Variants in DNAH12 observed in about 807,000 individuals in gnomAD.
DNAH12 encodes dynein axonemal heavy chain 12.
In DNAH12, 285 loss-of-function variants were observed where a neutral mutation model predicts 371.5. The observed-to-expected ratio is 0.77, with a 90% CI of 0.70 to 0.85. DNAH12 has a LOEUF of 0.85. Ranked by LOEUF, DNAH12 falls within the 40% of genes least tolerant of loss-of-function variation. The pLI is 0.00. For missense variants in DNAH12, 3,611 were observed against 3,689.4 expected (o/e 0.98, Z 0.55); for synonymous variants, 1,200 against 1,213.0 (o/e 0.99, Z 0.22).
chr3:57,479,138 T>C (rs970018890), intron 13 of DNAH12, among the ~76,000 whole-genome samples: 2 of 90,306 alleles, frequency 2.2e-5, no homozygotes, highest in Admixed American at 1.1e-4. Context: ...GCAAATTGGA[T>C]AGAGTCAAGA....
intron 37 of DNAH12, among the ~76,000 whole-genome samples, chr3:57,415,819 CACTT>C (rs1294442033): frequency 1.5e-5 from 2 of 137,306 alleles, no homozygotes; most frequent in East Asian, 2.1e-4. Flanking sequence ...GACAGAGTCT[CACTT>C]AGTTCCCCAG....
At chr3:57,501,755 T>C (rs1303839199) in intron 10 of DNAH12, among the ~76,000 whole-genome samples, 8 of 152,162 alleles carry the variant, frequency 5.3e-5, no homozygotes, top group African/African-American at 1.9e-4. Context: ...CCAATAAAAT[T>C]GAGCTACAGG....
chr3:57,437,665 T>G (rs1469543983), intron 29 of DNAH12, among the ~76,000 whole-genome samples: 1 of 152,176 alleles, frequency 6.6e-6, no homozygotes, highest in East Asian at 1.9e-4. Context: ...TGTGTGGGCT[T>G]ATGTGACAGA....
At chr3:57,514,519 T>C (rs535945017) in intron 4 of DNAH12, among the ~76,000 whole-genome samples, 34 of 152,076 alleles carry the variant, frequency 2.2e-4, no homozygotes, top group Non-Finnish European at 4.6e-4. Context: ...ACAGGAAGGA[T>C]AAATCAAAAA....
chr3:57,511,918 C>T, intron 4 of DNAH12, among the ~76,000 whole-genome samples: 1 of 151,804 alleles, frequency 6.6e-6, no homozygotes, highest in Non-Finnish European at 1.5e-5. Flanking sequence ...AGAACAAACT[C>T]CAGGATTTAA....
chr3:57,456,695 TATGAAACA>T (rs1206207759), intron 22 of DNAH12, among the ~76,000 whole-genome samples: 174 of 152,350 alleles, frequency 1.1e-3, no homozygotes, highest in African/African-American at 3.9e-3. Context: ...ATTGTTTGCC[TATGAAACA>T]TATCCACTAG....
chr3:57,429,617 T>C, intron 33 of DNAH12, 74 bp downstream of exon 33: 1 of 1,380,540 alleles, frequency 7.2e-7, no homozygotes. Context: ...TGACATATAA[T>C]AAAAAATACT....
At chr3:57,370,968 G>A (rs1006463275) in intron 55 of DNAH12, among the ~76,000 whole-genome samples, 1 of 152,138 alleles carries the variant, frequency 6.6e-6, no homozygotes, top group African/African-American at 2.4e-5. Flanking sequence ...GAGATAAGAA[G>A]GAAATGTTTT....
chr3:57,337,481 G>A (rs2062254040), intron 60 of DNAH12, among the ~76,000 whole-genome samples: 1 of 152,192 alleles, frequency 6.6e-6, no homozygotes, highest in Non-Finnish European at 1.5e-5. Flanking sequence ...CCAACATGGA[G>A]AAACCCTGTT....
At chr3:57,479,282 T>TTG (rs2066650898) in intron 13 of DNAH12, among the ~76,000 whole-genome samples, 2 of 151,952 alleles carry the variant, frequency 1.3e-5, no homozygotes, top group African/African-American at 4.8e-5. Context: ...TAGTCTCTGA[T>TTG]AAAACAGACT....
intron 13 of DNAH12, among the ~76,000 whole-genome samples, chr3:57,481,401 C>A (rs2153383353): frequency 6.6e-6 from 1 of 152,246 alleles, no homozygotes; most frequent in East Asian, 1.9e-4. Flanking sequence ...CTACAAACCA[C>A]TGCTCAACAA....
intron 13 of DNAH12, among the ~76,000 whole-genome samples, chr3:57,480,152 A>G (rs1172433389): frequency 4.0e-5 from 6 of 151,636 alleles, no homozygotes; most frequent in Non-Finnish European, 4.4e-5. Flanking sequence ...TGAAAAGATC[A>G]ACAAAATTGA....
rs2064585258 is a variant in DNAH12 at position 57,421,672 on chromosome 3, C to T, written c.5408G>A (p.Gly1803Glu). The T allele has an allele frequency of 1.3e-6, 2 of 1,551,582 alleles. No homozygotes were observed. Among genetic ancestry groups the T allele is most frequent in the South Asian group, 1.2e-5 (1 of 84,046 alleles). The change falls in exon 36 of 74, where the codon GGA becomes GAA. Residue 1803 changes from glycine to glutamate, a missense_variant. Physicochemically the swap from Gly to Glu is moderately conservative, Grantham distance 98. Transcript: ENST00000495027. Reference protein sequence around the residue: ...CFIFSLIWSIGGSCDTDGRRV... With the variant: ...CFIFSLIWSIEGSCDTDGRRV... ...ACGGCCATCTGTATCACAACTTCCT[C>T]CAATCGACCAAATCAAAGAGAATAT...
At chr3:57,450,051 C>T (rs1455196122) in intron 25 of DNAH12, among the ~76,000 whole-genome samples, 2 of 152,180 alleles carry the variant, frequency 1.3e-5, no homozygotes, top group African/African-American at 4.8e-5. Flanking sequence ...AGTTCAAGAC[C>T]AGCCTGGCCA....
At chr3:57,383,571 A>T (rs2063439655) in intron 49 of DNAH12, among the ~76,000 whole-genome samples, 2 of 148,984 alleles carry the variant, frequency 1.3e-5, no homozygotes, top group Admixed American at 6.9e-5. Flanking sequence ...TCACAGGGTA[A>T]TAAGTGACTC....
chr3:57,449,648 C>G (rs993502158), intron 25 of DNAH12, among the ~76,000 whole-genome samples: 11 of 152,200 alleles, frequency 7.2e-5, no homozygotes, highest in Non-Finnish European at 1.5e-4. Flanking sequence ...GAGTGCGGGG[C>G]CCGCCAAGCC....
intron 60 of DNAH12, among the ~76,000 whole-genome samples, chr3:57,337,919 C>G (rs1425915814): frequency 6.6e-6 from 1 of 152,196 alleles, no homozygotes; most frequent in Non-Finnish European, 1.5e-5. Context: ...TTGCAGAATA[C>G]ACATTCTCTT....
chr3:57,541,839 T>A (rs1238042186), intron 2 of DNAH12, among the ~76,000 whole-genome samples: 1 of 152,130 alleles, frequency 6.6e-6, no homozygotes, highest in Middle Eastern at 3.4e-3. Context: ...AAAGTAAAAT[T>A]AGCAAAAATT....
intron 69 of DNAH12, among the ~76,000 whole-genome samples, chr3:57,307,112 G>A (rs866442506): frequency 1.3e-5 from 2 of 151,988 alleles, no homozygotes; most frequent in Non-Finnish European, 2.9e-5. Flanking sequence ...TACCTATCTC[G>A]GCATAATTCT....
Sources: allele counts gnomAD v4.1 joint callset (sites outside exome capture counted in the v4.1 genomes callset), GRCh38; gene constraint gnomAD v4.1.1; transcripts MANE v1.5; gene names NCBI Gene and HGNC (gene_info 2026-07-23, HGNC 2026-07-21).